The following SMOC1 variants were observed in gnomAD, a reference collection of about 807,000 sequenced individuals.
SMOC1 encodes SPARC-related modular calcium-binding protein 1.
Under a neutral mutation model 56.3 loss-of-function variants are expected in SMOC1, and 22 were observed. The ratio of observed to expected loss-of-function variants is 0.39; its 90% CI spans 0.28 to 0.56. The LOEUF (loss-of-function observed/expected upper bound fraction) is 0.56. Ranked by LOEUF, SMOC1 falls within the 20% of genes least tolerant of loss-of-function variation. SMOC1 has a pLI of 0.61. For synonymous variants in SMOC1, 193 were observed against 215.0 expected (o/e 0.90, Z 0.89); for missense variants, 509 against 565.4 (o/e 0.90, Z 1.01).
chr14:69,940,615 TTC>T (rs138370280), intron 1 of SMOC1, among the ~76,000 whole-genome samples: 17,208 of 152,190 alleles, frequency 0.11, 1,084 homozygotes, highest in Non-Finnish European at 0.14. Flanking sequence ...AAGAAACTCC[TTC>T]TTTGTCCTCT....
At position 70,031,248 on chromosome 14, in the gene SMOC1, C is replaced by A. The variant is rs1007854528; in HGVS notation, c.*990C>A. Reference sequence around the variant, plus strand: ...CAGGGGAGGGGACAGGACAGAAAGCCTGCACTGAGGGGTGCGGTGCCAACA... The same window carrying A: ...CAGGGGAGGGGACAGGACAGAAAGCATGCACTGAGGGGTGCGGTGCCAACA... On this transcript the variant is annotated 3_prime_UTR_variant, in exon 12 of 12. Transcript: ENST00000361956. 4 of 152,148 alleles carry A rather than the reference C, an allele frequency of 2.6e-5. No homozygotes were observed. The highest frequency in any genetic ancestry group is 9.7e-5 in the African/African-American group (4 of 41,412). The allele number at this position is 152,148 out of a possible 1,614,324, so 9.4% of individuals were successfully genotyped here. A position where few individuals can be genotyped will look rare whatever the true frequency, so the allele number is the denominator to read the frequency against.
At chr14:69,936,850 G>C (rs1885307525) in intron 1 of SMOC1, among the ~76,000 whole-genome samples, 1 of 151,532 alleles carries the variant, frequency 6.6e-6, no homozygotes, top group Non-Finnish European at 1.5e-5. Flanking sequence ...TAACATTTTG[G>C]TATATTTCCT....
chr14:70,011,685 G>C, intron 9 of SMOC1, 118 bp downstream of exon 9: 1 of 936,426 alleles, frequency 1.1e-6, no homozygotes, highest in East Asian at 2.6e-5. Context: ...ATGGAGCCAG[G>C]AGCCGTGGGA....
intron 3 of SMOC1, among the ~76,000 whole-genome samples, chr14:69,955,268 T>C (rs897626705): frequency 6.6e-6 from 1 of 152,100 alleles, no homozygotes; most frequent in Admixed American, 6.5e-5. Flanking sequence ...CTGAGGTGTG[T>C]TCTGGAAGGA....
chr14:69,995,249 C>T (rs1260061873), intron 7 of SMOC1, among the ~76,000 whole-genome samples: 3 of 152,188 alleles, frequency 2.0e-5, no homozygotes, highest in Non-Finnish European at 4.4e-5. Flanking sequence ...AACCAGCAGG[C>T]AGAATTTTAC....
At chr14:70,018,613 G>A (rs574754233) in intron 10 of SMOC1, among the ~76,000 whole-genome samples, 2 of 152,326 alleles carry the variant, frequency 1.3e-5, no homozygotes, top group East Asian at 3.9e-4. Context: ...GCACCCATTA[G>A]CATTTATCAG....
intron 1 of SMOC1, among the ~76,000 whole-genome samples, chr14:69,937,732 A>G (rs1172132938): frequency 1.3e-5 from 2 of 152,164 alleles, no homozygotes; most frequent in East Asian, 3.9e-4. Context: ...TGACTTCGAA[A>G]GCATTTTGTG....
chr14:69,952,925 T>C (rs1883055553), intron 2 of SMOC1, among the ~76,000 whole-genome samples: 1 of 152,178 alleles, frequency 6.6e-6, no homozygotes, highest in East Asian at 1.9e-4. Flanking sequence ...TCCGGCTGGT[T>C]TCTCTAATTT....
At chr14:69,922,605 A>C (rs1242761937) in intron 1 of SMOC1, among the ~76,000 whole-genome samples, 1 of 152,296 alleles carries the variant, frequency 6.6e-6, no homozygotes, top group East Asian at 1.9e-4. Context: ...CTTCTTAGAC[A>C]TGCAGCACCC....
chr14:70,019,127 G>A (rs1024333356), intron 10 of SMOC1, among the ~76,000 whole-genome samples: 6 of 152,224 alleles, frequency 3.9e-5, no homozygotes, highest in Non-Finnish European at 5.9e-5. Flanking sequence ...AGTGCTGTGG[G>A]AGAAGTGTAG....
chr14:69,943,512 T>C (rs1882654668), intron 1 of SMOC1, among the ~76,000 whole-genome samples: 1 of 152,154 alleles, frequency 6.6e-6, no homozygotes, highest in Admixed American at 6.5e-5. Context: ...TTCCCAAGGA[T>C]GCAGGCCCCA....
chr14:69,907,470 C>G (rs987556103), intron 1 of SMOC1, among the ~76,000 whole-genome samples: 10 of 152,158 alleles, frequency 6.6e-5, no homozygotes, highest in Admixed American at 5.9e-4. Context: ...GATCCTAGTT[C>G]TCCCTTTGTA....
chr14:70,012,781 C>T (rs1885385552), intron 9 of SMOC1, among the ~76,000 whole-genome samples: 1 of 152,144 alleles, frequency 6.6e-6, no homozygotes, highest in African/African-American at 2.4e-5. Flanking sequence ...CTGTGCTTTA[C>T]TGTGTTTTCC....
intron 1 of SMOC1, among the ~76,000 whole-genome samples, chr14:69,940,673 G>T (rs920390455): frequency 6.6e-6 from 1 of 152,166 alleles, no homozygotes; most frequent in African/African-American, 2.4e-5. Context: ...TATAATCCAT[G>T]ATCTCTTGGA....
rs546688219 is a variant in SMOC1 at position 69,952,369 on chromosome 14, A to G, written c.265+66A>G. On this transcript the variant is annotated intron_variant, in intron 2 of 11. Transcript: ENST00000361956. ...GGGCACCCCAGCTCCCTCACTATGC[A>G]TTTGCAACAGGGAAGCTTGGAGTAA... 11 of 1,592,744 alleles carry G rather than the reference A, an allele frequency of 6.9e-6. No individual in the cohort carries two copies. The Admixed American group carries it at 8.4e-5, about 12-fold the overall frequency.
At chr14:70,023,507 C>A in intron 11 of SMOC1, 60 bp downstream of exon 11, 1 of 1,608,274 alleles carries the variant, frequency 6.2e-7, no homozygotes. Flanking sequence ...AGGCATGGGA[C>A]CAAGGGCTCT....
intron 3 of SMOC1, among the ~76,000 whole-genome samples, chr14:69,961,252 G>T: frequency 9.0e-6 from 1 of 110,982 alleles, no homozygotes; most frequent in Non-Finnish European, 1.7e-5. Flanking sequence ...CCTTTTTATT[G>T]TCAAGCAATA....
intron 3 of SMOC1, among the ~76,000 whole-genome samples, chr14:69,964,775 A>C (rs1235457219): frequency 6.6e-6 from 1 of 152,154 alleles, no homozygotes; most frequent in Non-Finnish European, 1.5e-5. Flanking sequence ...TTCAGTCCTC[A>C]CTATAAGCAC....
intron 7 of SMOC1, among the ~76,000 whole-genome samples, chr14:70,009,338 C>T (rs979942058): frequency 2.6e-5 from 4 of 152,180 alleles, no homozygotes; most frequent in Non-Finnish European, 5.9e-5. Context: ...TCTGACTTAT[C>T]TGTAAAACTG....
Sources: gnomAD v4.1 joint callset for allele counts (sites outside exome capture counted in the v4.1 genomes callset) on GRCh38, gnomAD v4.1.1 for gene constraint, MANE v1.5 for transcripts, NCBI Gene and HGNC (gene_info 2026-07-23, HGNC 2026-07-21) for gene names.